Variants in DNAAF5 observed in about 807,000 individuals in gnomAD.
DNAAF5 encodes the protein HEAT repeat containing 2.
DNAAF5 carries 64 observed loss-of-function variants against 75.8 expected under a neutral mutation model. The observed-to-expected ratio is 0.84, with a 90% confidence interval of 0.69 to 1.04. The LOEUF (loss-of-function observed/expected upper bound fraction) is 1.04. Ranked by LOEUF, DNAAF5 falls within the 50% of genes least tolerant of loss-of-function variation. The pLI, the probability that DNAAF5 is intolerant of heterozygous loss-of-function variation, is 0.00. For missense variants in DNAAF5, 1,269 were observed against 1,178.5 expected, an observed-to-expected ratio of 1.08 and a Z score of -1.12; for synonymous variants, 657 against 557.2, an observed-to-expected ratio of 1.18 and a Z score of -2.52.
chr7:770,411 G>C, intron 8 of DNAAF5, 60 bp from the exon 9 acceptor site: 2 of 1,549,148 alleles, frequency 1.3e-6, no homozygotes, highest in Non-Finnish European at 1.8e-6. Context: ...GCCTGTGCTG[G>C]ATGGGGCCTC....
intron 2 of DNAAF5, 149 bp from the exon 3 acceptor site, chr7:740,670 G>A: frequency 8.9e-7 from 1 of 1,129,446 alleles, no homozygotes; most frequent in Non-Finnish European, 1.3e-6. Flanking sequence ...TCTTGGGGAT[G>A]GCATCTAGGC....
At chr7:769,063 C>T (rs1210855024) in intron 8 of DNAAF5, 2 of 683,886 alleles carry the variant, frequency 2.9e-6, no homozygotes, top group Non-Finnish European at 2.7e-6. Flanking sequence ...GGCCTGACTT[C>T]GAGCCAGAGC....
intron 4 of DNAAF5, among the ~76,000 whole-genome samples, chr7:746,058 C>T (rs1782093101): frequency 6.6e-6 from 1 of 152,252 alleles, no homozygotes; most frequent in Non-Finnish European, 1.5e-5. Context: ...ATTTTCTCCT[C>T]AAATTACTTT....
At chr7:744,795 G>T (rs1782029306) in intron 4 of DNAAF5, among the ~76,000 whole-genome samples, 1 of 152,146 alleles carries the variant, frequency 6.6e-6, no homozygotes, top group African/African-American at 2.4e-5. Context: ...TAGAGACAGG[G>T]TTTCGCCATG....
chr7:763,201 C>A (rs1047981672), intron 7 of DNAAF5, among the ~76,000 whole-genome samples: 4 of 152,172 alleles, frequency 2.6e-5, no homozygotes, highest in Non-Finnish European at 4.4e-5. Flanking sequence ...ACTGTTAGGG[C>A]CTGAGGTACC....
rs928452266 is a variant in DNAAF5, at chr7:726,958, C to G, written c.238C>G (p.Arg80Gly). 2.7e-5 allele frequency: 36 copies of G among 1,323,458 alleles called. No individual in the cohort carries two copies. The highest frequency in any genetic ancestry group is 2.9e-5 in the Non-Finnish European group (30 of 1,032,086). 82.0% of individuals were successfully genotyped at this position (1,323,458 alleles called of 1,614,324 possible). A position where few individuals can be genotyped will look rare whatever the true frequency, so the allele number is the denominator to read the frequency against. ...QGPWARLLLPRLLRCLSDPAE... is the reference protein window; with the variant it reads ...QGPWARLLLPGLLRCLSDPAE... ...CCCCTGGGCGCGCCTACTGCTGCCGCGCTTGCTGCGCTGCCTGAGCGACCC... is the reference window on the plus strand; with the variant it reads ...CCCCTGGGCGCGCCTACTGCTGCCGGGCTTGCTGCGCTGCCTGAGCGACCC... Residue 80 changes from arginine to glycine, a missense_variant, in exon 1 of 13, where the codon CGC becomes GGC. Coordinates refer to ENST00000297440, the MANE Select transcript of DNAAF5 (RefSeq NM_017802.4).
At chr7:752,659 G>A (rs1181156203) in intron 4 of DNAAF5, among the ~76,000 whole-genome samples, 7 of 152,092 alleles carry the variant, frequency 4.6e-5, no homozygotes, top group Non-Finnish European at 1.0e-4. Context: ...TCGTGACCGT[G>A]GGCCGGGCCA....
intron 4 of DNAAF5, among the ~76,000 whole-genome samples, chr7:742,113 C>T (rs1311897788): frequency 1.3e-5 from 2 of 152,196 alleles, no homozygotes; most frequent in South Asian, 2.1e-4. Flanking sequence ...TCTGCCACGC[C>T]GCCGGCCCAC....
At chr7:780,696 C>G (rs911166309) in intron 12 of DNAAF5, among the ~76,000 whole-genome samples, 1 of 152,238 alleles carries the variant, frequency 6.6e-6, no homozygotes, top group Non-Finnish European at 1.5e-5. Context: ...AACAGCGACA[C>G]AGGCCGTCCC....
intron 8 of DNAAF5, among the ~76,000 whole-genome samples, chr7:766,207 C>T (rs1031374788): frequency 1.4e-4 from 21 of 152,208 alleles, no homozygotes; most frequent in African/African-American, 2.9e-4. Context: ...TCTTGGGAGT[C>T]GGGGGCACAG....
Position 754,099 on chromosome 7 carries a change from G to A in DNAAF5, c.1025-490G>A, listed in dbSNP as rs1032305677. On this transcript the variant is annotated intron_variant, in intron 4 of 12. Coordinates refer to ENST00000297440, the MANE Select transcript of DNAAF5 (RefSeq NM_017802.4). This position sits in a 1 kb window ranked among gnomAD's most constrained non-coding sequence, Gnocchi z 4.8. ...CTGATCATAGGGGGACGGCTTCGCA[G>A]GCGTGTCTCTCTGATCATACACGTC... 2.6e-5 allele frequency among the ~76,000 whole-genome samples: 4 copies of A among 152,162 alleles called. No homozygotes were observed. The highest frequency in any genetic ancestry group is 9.7e-5 in the African/African-American group (4 of 41,430).
At chr7:759,338 C>T (rs1352020211) in intron 6 of DNAAF5, among the ~76,000 whole-genome samples, 3 of 152,214 alleles carry the variant, frequency 2.0e-5, no homozygotes, top group Non-Finnish European at 2.9e-5. Flanking sequence ...CCAGGTGTCT[C>T]GGGCCCAGTA....
chr7:739,679 C>T (rs200529005), intron 2 of DNAAF5, among the ~76,000 whole-genome samples: 7 of 152,206 alleles, frequency 4.6e-5, no homozygotes, highest in East Asian at 1.9e-4. Context: ...CCTCCCCTCA[C>T]GGGACCTTAG....
intron 12 of DNAAF5, among the ~76,000 whole-genome samples, chr7:782,859 C>G (rs1779018738): frequency 6.6e-6 from 1 of 152,122 alleles, no homozygotes; most frequent in Non-Finnish European, 1.5e-5. Context: ...CTCGGACCTT[C>G]CTGGCGTGGC....
rs991426555 is a variant in DNAAF5, at chr7:748,338, C to T, written c.1025-6251C>T. Among the ~76,000 whole-genome samples, 11 of 152,074 alleles carry T rather than the reference C, an allele frequency of 7.2e-5. 1 individual carries two copies. Among genetic ancestry groups the T allele is most frequent in the Non-Finnish European group, 1.6e-4 (11 of 68,012 alleles). ...TGTCCGGCTAGTGTGCAGTGGTGGC[C>T]CATGGTGTTTTACTTTGCGATTCCC... On this transcript the variant is annotated intron_variant, in intron 4 of 12. Coordinates refer to ENST00000297440, the MANE Select transcript of DNAAF5 (RefSeq NM_017802.4).
chr7:777,687 T>TG (rs1170503898), intron 11 of DNAAF5, among the ~76,000 whole-genome samples: 3 of 152,196 alleles, frequency 2.0e-5, no homozygotes, highest in Non-Finnish European at 1.5e-5. Flanking sequence ...AGATGGTTCT[T>TG]GCTAATTCCC....
chr7:749,141 C>T lies in DNAAF5; in HGVS notation c.1025-5448C>T, dbSNP rs141282922. Among the ~76,000 whole-genome samples the T allele has an allele frequency of 3.1e-4, 47 of 152,288 alleles. 1 individual carries two copies. In the East Asian group the frequency reaches 8.9e-3, roughly 29 times the overall value. ...TCGTGCTGGGAGGGTTGGGAGGGCACCACTTACCGTCCTCAAGTCGGTCAT... is the reference window on the plus strand; with the variant it reads ...TCGTGCTGGGAGGGTTGGGAGGGCATCACTTACCGTCCTCAAGTCGGTCAT... On this transcript the variant is annotated intron_variant, in intron 4 of 12. Transcript: ENST00000297440.
intron 4 of DNAAF5, among the ~76,000 whole-genome samples, chr7:743,549 G>A (rs551563564): frequency 0.011 from 765 of 68,906 alleles, 4 homozygotes; most frequent in South Asian, 0.037. Flanking sequence ...CACAGTTGCT[G>A]TACAGGGAAA....
chr7:746,030 T>TTG (rs1383929546), intron 4 of DNAAF5, among the ~76,000 whole-genome samples: 2 of 152,236 alleles, frequency 1.3e-5, no homozygotes. Context: ...AAGCACTACG[T>TTG]TGTGTTAGAT....
Sources: allele counts gnomAD v4.1 joint callset (sites outside exome capture counted in the v4.1 genomes callset), GRCh38; gene constraint gnomAD v4.1.1; non-coding constraint Gnocchi (gnomAD v3.1); transcripts MANE v1.5; gene names NCBI Gene and HGNC (gene_info 2026-07-23, HGNC 2026-07-21).